IFT88: variants seen among roughly 807,000 people sequenced by gnomAD.
IFT88 encodes the protein intraflagellar transport protein 88 homolog.
Under a neutral mutation model 119.5 loss-of-function variants are expected in IFT88, and 74 were observed. The observed-to-expected ratio is 0.62, with a 90% CI of 0.51 to 0.75. IFT88 has a LOEUF of 0.75. Ranked by LOEUF, IFT88 falls within the 30% of genes least tolerant of loss-of-function variation. The pLI, the probability that IFT88 is intolerant of heterozygous loss-of-function variation, is 0.00. For missense variants in IFT88, 961 were observed against 977.7 expected, an observed-to-expected ratio of 0.98 and a Z score of 0.23; for synonymous variants, 279 against 316.7, an observed-to-expected ratio of 0.88 and a Z score of 1.26.
chr13:20,607,518 G>A (rs1197011552), intron 13 of IFT88: 3 of 689,940 alleles, frequency 4.3e-6, no homozygotes, highest in East Asian at 2.6e-5. Context: ...ATGTGGGGAG[G>A]CCGCCACGCT....
At chr13:20,597,639 G>A (rs1225143531) in intron 9 of IFT88, among the ~76,000 whole-genome samples, 2 of 151,784 alleles carry the variant, frequency 1.3e-5, no homozygotes, top group South Asian at 4.2e-4. Flanking sequence ...AGCTACTTGG[G>A]AGGCTGGAGC....
intron 17 of IFT88, among the ~76,000 whole-genome samples, chr13:20,640,356 G>C (rs893573234): frequency 6.6e-6 from 1 of 151,180 alleles, no homozygotes; most frequent in Non-Finnish European, 1.5e-5. Flanking sequence ...GGCGGATCAT[G>C]AGGTCAGGAG....
At chr13:20,650,115 C>T (rs1489634997) in intron 20 of IFT88, among the ~76,000 whole-genome samples, 1 of 151,990 alleles carries the variant, frequency 6.6e-6, no homozygotes, top group Non-Finnish European at 1.5e-5. Flanking sequence ...GTAAACACTT[C>T]CTAACTCAGT....
intron 24 of IFT88, among the ~76,000 whole-genome samples, chr13:20,681,167 C>T (rs986554629): frequency 1.3e-5 from 2 of 152,204 alleles, no homozygotes; most frequent in Non-Finnish European, 2.9e-5. Context: ...GTAGCTAGAG[C>T]TTGGCTAGTA....
intron 13 of IFT88, among the ~76,000 whole-genome samples, chr13:20,609,193 G>C (rs76367787): frequency 6.6e-6 from 1 of 152,160 alleles, no homozygotes; most frequent in Non-Finnish European, 1.5e-5. Flanking sequence ...ATTCCCACTG[G>C]TGATGCCTGT....
chr13:20,597,116 CTCAG>C lies in IFT88; in HGVS notation c.593_594+2del. 1 of 1,548,708 alleles carries C rather than the reference CTCAG, an allele frequency of 6.5e-7. No individual in the cohort carries two copies. Among genetic ancestry groups the C allele is most frequent in the Non-Finnish European group, 8.9e-7 (1 of 1,129,184 alleles). The stretch of plus-strand genomic sequence containing the variant: ...AAAATATCAATTTGGATTTAACTTA[CTCAG>C]TAAGTATTGAAATATAACACAATTT... On this transcript the variant is annotated splice_donor_variant and coding_sequence_variant, in exon 9 of 26. Transcript: ENST00000351808. LOFTEE classifies it high-confidence loss of function.
chr13:20,581,999 TAGTG>T (rs2038772799), intron 2 of IFT88, among the ~76,000 whole-genome samples: 1 of 152,170 alleles, frequency 6.6e-6, no homozygotes, highest in Non-Finnish European at 1.5e-5. Flanking sequence ...AGTTAATTGA[TAGTG>T]ACTTTATTTT....
chr13:20,656,497 T>C (rs2052830927), intron 22 of IFT88, 67 bp downstream of exon 22: 5 of 671,878 alleles, frequency 7.4e-6, no homozygotes. Flanking sequence ...TAATATATAA[T>C]TACCTTTGCT....
At position 20,631,102 on chromosome 13, in the gene IFT88, G is replaced by A; in HGVS notation, c.1386G>A (p.Met462Ile). 1 of 1,585,708 alleles carries A rather than the reference G, an allele frequency of 6.3e-7. No homozygotes were observed. The highest frequency in any genetic ancestry group is 8.7e-7 in the Non-Finnish European group (1 of 1,154,108). ...CCAATCTCTCAGCCCTGTATTATAT[G>A]GTAAGTTTTTTTACTACTAAGAGTT... ...AATNLSALYY[M>I]GKDFAQASSY... Residue 462 changes from methionine to isoleucine, a missense_variant and splice_region_variant, in exon 16 of 26, where the codon ATG becomes ATA. Physicochemically the swap from Met to Ile is conservative, Grantham distance 10. Transcript: ENST00000351808.
At chr13:20,605,475 C>G (rs1378756012) in intron 13 of IFT88, among the ~76,000 whole-genome samples, 1 of 151,938 alleles carries the variant, frequency 6.6e-6, no homozygotes, top group Non-Finnish European at 1.5e-5. Context: ...TTTTTTTATC[C>G]TGCCTCACAA....
chr13:20,627,698 T>C (rs1256819923), intron 15 of IFT88, among the ~76,000 whole-genome samples: 2 of 127,686 alleles, frequency 1.6e-5, no homozygotes, highest in African/African-American at 6.0e-5. Context: ...ACCACTGCAC[T>C]CTGGCCTGAG....
chr13:20,604,655 T>C (rs2043122751), intron 12 of IFT88, among the ~76,000 whole-genome samples: 1 of 152,242 alleles, frequency 6.6e-6, no homozygotes, highest in South Asian at 2.1e-4. Flanking sequence ...GGGAGGCTTA[T>C]TGGAAATTCA....
chr13:20,593,527 TTTTG>T (rs1208644664), intron 7 of IFT88, among the ~76,000 whole-genome samples: 7 of 151,938 alleles, frequency 4.6e-5, no homozygotes, highest in Admixed American at 3.3e-4. Context: ...AATTCTTTTT[TTTTG>T]TTTCTTTTTT....
chr13:20,675,271 G>A (rs2056516921), intron 24 of IFT88, among the ~76,000 whole-genome samples: 1 of 152,080 alleles, frequency 6.6e-6, no homozygotes, highest in Non-Finnish European at 1.5e-5. Context: ...AGGCCGGGGG[G>A]CGGGTGCTGT....
At chr13:20,683,475 A>G (rs1401671652) in intron 24 of IFT88, among the ~76,000 whole-genome samples, 2 of 152,186 alleles carry the variant, frequency 1.3e-5, no homozygotes, top group Admixed American at 1.3e-4. Flanking sequence ...ATAAATTTAT[A>G]GGTACAGAAG....
At chr13:20,687,360 G>T (rs1048182510) in intron 24 of IFT88, among the ~76,000 whole-genome samples, 5 of 152,106 alleles carry the variant, frequency 3.3e-5, no homozygotes, top group African/African-American at 1.2e-4. Flanking sequence ...GCTTGGAATA[G>T]CATATGCTTG....
chr13:20,571,791 A>G (rs2036409081), intron 1 of IFT88, among the ~76,000 whole-genome samples: 1 of 152,226 alleles, frequency 6.6e-6, no homozygotes, highest in South Asian at 2.1e-4. Context: ...TGTGGTGGGC[A>G]CAATTAGTCC....
chr13:20,591,128 T>G, intron 5 of IFT88, 108 bp downstream of exon 5: 1 of 744,316 alleles, frequency 1.3e-6, no homozygotes, highest in Non-Finnish European at 2.2e-6. Flanking sequence ...AAGAAGATAT[T>G]ACTTATATAG....
intron 22 of IFT88, among the ~76,000 whole-genome samples, chr13:20,661,398 A>T (rs1234063569): frequency 6.6e-6 from 1 of 152,142 alleles, no homozygotes; most frequent in African/African-American, 2.4e-5. Flanking sequence ...CAGATTGAAG[A>T]TGTGTTTTCT....
Sources: allele counts gnomAD v4.1 joint callset (sites outside exome capture counted in the v4.1 genomes callset), GRCh38; gene constraint gnomAD v4.1.1; transcripts MANE v1.5; gene names NCBI Gene and HGNC (gene_info 2026-07-23, HGNC 2026-07-21).